MED13L: variants seen among roughly 807,000 people sequenced by gnomAD.
The protein encoded by MED13L is mediator complex subunit 13L.
Under a neutral mutation model 220.9 loss-of-function variants are expected in MED13L, and 7 were observed. The observed-to-expected ratio is 0.03, with a 90% confidence interval of 0.02 to 0.06. The LOEUF is 0.06. MED13L is among the 10% of genes least tolerant of loss of function. The pLI is 1.00. For missense variants in MED13L, 1,965 were observed against 2,760.5 expected (o/e 0.71, Z 6.46); for synonymous variants, 1,011 against 1,015.2 (o/e 1.00, Z 0.08).
At chr12:116,082,591 A>G (rs1185164023) in intron 4 of MED13L, 1 of 152,194 alleles carries the variant, frequency 6.6e-6, no homozygotes, top group Non-Finnish European at 1.5e-5. Flanking sequence ...AGAAGCATAT[A>G]CACAAAAATT....
chr12:116,031,810 GAGAAAGAAAAAAAGAA>G (rs1184297210), intron 4 of MED13L, among the ~76,000 whole-genome samples: 2 of 109,122 alleles, frequency 1.8e-5, no homozygotes, highest in African/African-American at 6.5e-5. Context: ...GAAAGAAAGA[GAGAAAGAAAAAAAGAA>G]AGAAAGTGGT....
At position 115,984,239 on chromosome 12, in the gene MED13L, T is replaced by G; in HGVS notation, c.4472A>C (p.Glu1491Ala). 6.2e-7 allele frequency: 1 copy of G among 1,614,008 alleles called. No individual in the cohort carries two copies. Among genetic ancestry groups the G allele is most frequent in the Non-Finnish European group, 8.5e-7 (1 of 1,179,976 alleles). ...GAGTCTGGAATGATTGTCATTCTCC[T>G]CGCCGCTCCAAGGCTGGTTAAACCA... The part of the protein sequence containing the change: ...SEWFNQPWSG[E>A]ENDNHSRLKL... The change falls in exon 20 of 31, where the codon GAG becomes GCG. Residue 1491 changes from glutamate to alanine, a missense_variant. This residue lies in a region of MED13L where 510 missense variants were observed against 620.4 expected (regional missense o/e 0.82). Transcript: ENST00000281928.
chr12:116,043,386 TA>T (rs1394112216), intron 4 of MED13L, among the ~76,000 whole-genome samples: 1 of 152,222 alleles, frequency 6.6e-6, no homozygotes, highest in African/African-American at 2.4e-5. Context: ...CTTTTATATT[TA>T]AATCAATCAC....
chr12:116,146,703 CTAA>C (rs1413830895), intron 2 of MED13L, among the ~76,000 whole-genome samples: 1 of 151,680 alleles, frequency 6.6e-6, no homozygotes, highest in East Asian at 1.9e-4. Context: ...CCCATCTCTA[CTAA>C]AAAACACAAA....
chr12:116,124,024 A>G (rs1875323904), intron 2 of MED13L, among the ~76,000 whole-genome samples: 1 of 152,188 alleles, frequency 6.6e-6, no homozygotes, highest in African/African-American at 2.4e-5. Context: ...TTTTTCCTAT[A>G]TGAGCTGCCA....
At chr12:116,058,581 T>C (rs907053844) in intron 4 of MED13L, among the ~76,000 whole-genome samples, 1 of 152,182 alleles carries the variant, frequency 6.6e-6, no homozygotes, top group Non-Finnish European at 1.5e-5. Flanking sequence ...CCTTAACCAT[T>C]TATATGACCT....
intron 11 of MED13L, chr12:116,007,173 T>C: frequency 7.1e-6 from 4 of 566,026 alleles, no homozygotes; most frequent in South Asian, 2.0e-5. Flanking sequence ...GTACAAGCTA[T>C]AGCCTGGAAA....
At chr12:116,253,971 G>A (rs1459223145) in intron 1 of MED13L, among the ~76,000 whole-genome samples, 1 of 151,714 alleles carries the variant, frequency 6.6e-6, no homozygotes, top group Admixed American at 6.6e-5. Flanking sequence ...ACATTGGCCA[G>A]GCTGGTCTCG....
intron 1 of MED13L, among the ~76,000 whole-genome samples, chr12:116,253,753 GTTTTTTT>G (rs746923184): frequency 6.1e-4 from 47 of 76,488 alleles, no homozygotes; most frequent in Non-Finnish European, 8.5e-4. Flanking sequence ...GGTTTTTTTT[GTTTTTTT>G]TTTTTTTTTT....
At chr12:116,006,104 T>A in intron 12 of MED13L, 111 bp from the exon 13 acceptor site, 1 of 1,479,500 alleles carries the variant, frequency 6.8e-7, no homozygotes, top group Non-Finnish European at 9.3e-7. Context: ...TTTTTCCCTA[T>A]GGTTTTAGTT....
At chr12:116,114,512 A>G (rs1874354872) in intron 2 of MED13L, among the ~76,000 whole-genome samples, 1 of 152,308 alleles carries the variant, frequency 6.6e-6, no homozygotes, top group Admixed American at 6.5e-5. Flanking sequence ...CAACAACAAA[A>G]AAAACTTGAG....
At chr12:116,111,359 A>G in intron 3 of MED13L, 69 bp downstream of exon 3, 2 of 1,260,138 alleles carry the variant, frequency 1.6e-6, no homozygotes, top group South Asian at 2.4e-5. Context: ...TGAAAATTAC[A>G]GGAAACTCTC....
chr12:116,243,746 G>A (rs1170939996), intron 1 of MED13L, among the ~76,000 whole-genome samples: 1 of 152,052 alleles, frequency 6.6e-6, no homozygotes, highest in Non-Finnish European at 1.5e-5. Context: ...TAGTATCATG[G>A]AAAGAACACT....
chr12:116,076,354 TA>T lies in MED13L; in HGVS notation c.479+20314del, dbSNP rs903554367. Reference sequence around the variant, plus strand: ...GAATTCAACACTGGCCTGGACAACATAGTAGGACTCTATCTCTACAATAAAT... The same window carrying T: ...GAATTCAACACTGGCCTGGACAACATGTAGGACTCTATCTCTACAATAAAT... On this transcript the variant is annotated intron_variant, in intron 4 of 30. Coordinates refer to ENST00000281928, the MANE Select transcript of MED13L (RefSeq NM_015335.5). 2.5e-4 allele frequency among the ~76,000 whole-genome samples: 38 copies of T among 152,098 alleles called. 1 individual carries two copies. The highest frequency in any genetic ancestry group is 9.2e-4 in the African/African-American group (38 of 41,468).
chr12:116,145,262 A>C (rs993275408), intron 2 of MED13L, among the ~76,000 whole-genome samples: 1 of 152,222 alleles, frequency 6.6e-6, no homozygotes, highest in Non-Finnish European at 1.5e-5. Context: ...ATCTCTATGC[A>C]CATCACTACA....
intron 2 of MED13L, among the ~76,000 whole-genome samples, chr12:116,115,558 T>C (rs1257499174): frequency 1.3e-5 from 2 of 151,824 alleles, no homozygotes; most frequent in Non-Finnish European, 2.9e-5. Context: ...TGTTAAGCTA[T>C]GGAAAAGACA....
chr12:116,055,712 T>C (rs1018372191), intron 4 of MED13L, among the ~76,000 whole-genome samples: 6 of 152,004 alleles, frequency 3.9e-5, no homozygotes, highest in Non-Finnish European at 8.8e-5. Flanking sequence ...CTAGCCAACA[T>C]AGTGAAACCC....
chr12:116,186,198 T>C (rs1304828401), intron 2 of MED13L, among the ~76,000 whole-genome samples: 2 of 152,260 alleles, frequency 1.3e-5, no homozygotes, highest in Non-Finnish European at 2.9e-5. Flanking sequence ...AATTATTGCA[T>C]AAAACATCAT....
chr12:116,079,088 T>C lies in MED13L; in HGVS notation c.479+17581A>G, dbSNP rs150786876. ...AAAGAAATTTGCAAAAACAGTGCCATTATTCTTACTACATTGCTTTAAAAT... is the reference window on the plus strand; with the variant it reads ...AAAGAAATTTGCAAAAACAGTGCCACTATTCTTACTACATTGCTTTAAAAT... On this transcript the variant is annotated intron_variant, in intron 4 of 30. Transcript: ENST00000281928. Among the ~76,000 whole-genome samples, 1,400 of 152,340 alleles carry C rather than the reference T, an allele frequency of 9.2e-3. 11 individuals are homozygous for C. Among genetic ancestry groups the C allele is most frequent in the Admixed American group, 0.017 (253 of 15,310 alleles).
Sources: allele counts gnomAD v4.1 joint callset (sites outside exome capture counted in the v4.1 genomes callset), GRCh38; gene constraint gnomAD v4.1.1; regional missense constraint gnomAD v4.1.1; transcripts MANE v1.5; gene names NCBI Gene and HGNC (gene_info 2026-07-23, HGNC 2026-07-21).